The following ZNF423 variants were observed in gnomAD, a reference collection of about 807,000 sequenced individuals.
The protein encoded by ZNF423 is zinc finger protein 423.
In ZNF423, 12 loss-of-function variants were observed where a neutral mutation model predicts 95.8. That is an observed-to-expected ratio of 0.13 (90% CI 0.08 to 0.20). The LOEUF (loss-of-function observed/expected upper bound fraction) is 0.20, where lower values mean the gene tolerates loss of function less well. Among genes scored for constraint, ZNF423 ranks in the 10% least tolerant of loss-of-function variants. The probability of loss-of-function intolerance (pLI) is 1.00; values close to 1 mark genes in which losing one functional copy is unlikely to be tolerated. For synonymous variants in ZNF423, 749 were observed against 711.9 expected, an observed-to-expected ratio of 1.05 and a Z score of -0.83; for missense variants, 1,316 against 1,737.1, an observed-to-expected ratio of 0.76 and a Z score of 4.31.
chr16:49,719,601 T>C (rs2032806569), intron 3 of ZNF423, among the ~76,000 whole-genome samples: 1 of 152,134 alleles, frequency 6.6e-6, no homozygotes, highest in Non-Finnish European at 1.5e-5. Context: ...CTTGCTGTGC[T>C]GGTGATGAGT....
intron 1 of ZNF423, chr16:49,822,859 A>T: frequency 1.5e-6 from 1 of 664,890 alleles, no homozygotes. Flanking sequence ...CTACTTAACG[A>T]CTTGCCCAGG....
intron 7 of ZNF423, among the ~76,000 whole-genome samples, chr16:49,501,352 T>C (rs2151660669): frequency 6.6e-6 from 1 of 152,196 alleles, no homozygotes; most frequent in Non-Finnish European, 1.5e-5. Context: ...TTGCTTCCGG[T>C]TTTGCAAGAA....
At chr16:49,501,900 C>T (rs1026877219) in intron 7 of ZNF423, among the ~76,000 whole-genome samples, 3 of 151,984 alleles carry the variant, frequency 2.0e-5, no homozygotes, top group Non-Finnish European at 4.4e-5. Flanking sequence ...AGGGAGGGGA[C>T]AAGGGTTGAA....
chr16:49,849,565 T>C (rs576729589), intron 1 of ZNF423, among the ~76,000 whole-genome samples: 2 of 152,306 alleles, frequency 1.3e-5, no homozygotes, highest in East Asian at 3.9e-4. Context: ...AATTCGGAGA[T>C]AATGATGTGG....
At chr16:49,558,631 C>T (rs1264068617) in intron 5 of ZNF423, among the ~76,000 whole-genome samples, 2 of 152,138 alleles carry the variant, frequency 1.3e-5, no homozygotes, top group Non-Finnish European at 2.9e-5. Flanking sequence ...CCCAATTCTG[C>T]TAAGGGATCC....
At chr16:49,550,498 A>G (rs1405131867) in intron 5 of ZNF423, among the ~76,000 whole-genome samples, 1 of 152,278 alleles carries the variant, frequency 6.6e-6, no homozygotes, top group Non-Finnish European at 1.5e-5. Flanking sequence ...AGGCTCGGAA[A>G]GAGAAGACTG....
chr16:49,513,716 A>T (rs990063657), intron 7 of ZNF423, among the ~76,000 whole-genome samples: 3 of 152,000 alleles, frequency 2.0e-5, no homozygotes, highest in African/African-American at 7.2e-5. Context: ...CCAAAAACTC[A>T]CGTCAGAGTG....
chr16:49,661,252 G>A (rs1477754229), intron 3 of ZNF423, among the ~76,000 whole-genome samples: 1 of 151,264 alleles, frequency 6.6e-6, no homozygotes, highest in Non-Finnish European at 1.5e-5. Flanking sequence ...ACTCAACAGT[G>A]GGATTTGGGG....
chr16:49,586,250 C>G (rs188970391), intron 5 of ZNF423, among the ~76,000 whole-genome samples: 1 of 151,676 alleles, frequency 6.6e-6, no homozygotes, highest in African/African-American at 2.4e-5. Flanking sequence ...AACGACACTT[C>G]GATTTAATTA....
chr16:49,618,893 C>T (rs1468151090), intron 5 of ZNF423, among the ~76,000 whole-genome samples: 1 of 152,138 alleles, frequency 6.6e-6, no homozygotes, highest in Non-Finnish European at 1.5e-5. Flanking sequence ...AATGTTTCTC[C>T]AGCCCATATC....
chr16:49,604,032 G>A (rs1971458632), intron 5 of ZNF423, among the ~76,000 whole-genome samples: 1 of 152,198 alleles, frequency 6.6e-6, no homozygotes. Flanking sequence ...AGGCCCTTGG[G>A]TGTTCTCGTA....
chr16:49,620,412 A>G (rs948629750), intron 5 of ZNF423, among the ~76,000 whole-genome samples: 2 of 152,124 alleles, frequency 1.3e-5, no homozygotes, highest in Non-Finnish European at 2.9e-5. Flanking sequence ...CCAAACACCC[A>G]CTTCCTCCCC....
intron 5 of ZNF423, among the ~76,000 whole-genome samples, chr16:49,613,889 G>GA (rs35458351): frequency 0.23 from 34,126 of 147,854 alleles, 4,209 homozygotes; most frequent in South Asian, 0.39. Context: ...AAACTTTCAG[G>GA]AAAAAAAAAA....
chr16:49,741,560 T>C (rs2033415380), intron 2 of ZNF423, among the ~76,000 whole-genome samples: 1 of 152,090 alleles, frequency 6.6e-6, no homozygotes, highest in Admixed American at 6.5e-5. Flanking sequence ...ATAAAATTTC[T>C]GGATGATTTC....
At chr16:49,854,812 G>A (rs750839679) in intron 1 of ZNF423, 16 of 985,424 alleles carry the variant, frequency 1.6e-5, no homozygotes, top group Non-Finnish European at 1.9e-5. Context: ...AAAGCAAAGC[G>A]TGGAGACGAA....
intron 3 of ZNF423, among the ~76,000 whole-genome samples, chr16:49,719,273 G>A (rs2032796750): frequency 6.6e-6 from 1 of 152,212 alleles, no homozygotes; most frequent in Admixed American, 6.5e-5. Flanking sequence ...GAAAGGAAGA[G>A]CAGCTCCACG....
chr16:49,777,685 G>A (rs768668637), intron 2 of ZNF423, among the ~76,000 whole-genome samples: 25 of 152,154 alleles, frequency 1.6e-4, no homozygotes, highest in African/African-American at 2.4e-4. Context: ...TACAGAAAGC[G>A]TGCCCTAGAC....
intron 3 of ZNF423, among the ~76,000 whole-genome samples, chr16:49,667,404 G>A (rs2030596086): frequency 6.6e-6 from 1 of 152,198 alleles, no homozygotes; most frequent in African/African-American, 2.4e-5. Flanking sequence ...AGTGAGGAAG[G>A]GGAGAATTTT....
At chr16:49,691,077 C>A (rs560666657) in intron 3 of ZNF423, among the ~76,000 whole-genome samples, 1 of 152,214 alleles carries the variant, frequency 6.6e-6, no homozygotes, top group African/African-American at 2.4e-5. Flanking sequence ...GGGGGCTGAG[C>A]GGCCCTTAGT....
Sources: gnomAD v4.1 joint callset for allele counts (sites outside exome capture counted in the v4.1 genomes callset) on GRCh38, gnomAD v4.1.1 for gene constraint, MANE v1.5 for transcripts, NCBI Gene and HGNC (gene_info 2026-07-23, HGNC 2026-07-21) for gene names.